The following SARNP variants were observed in gnomAD, a reference collection of about 807,000 sequenced individuals.
SARNP encodes SAP domain-containing ribonucleoprotein.
SARNP carries 5 observed loss-of-function variants against 38.1 expected under a neutral mutation model. That is an observed-to-expected ratio of 0.13 (90% CI 0.07 to 0.28). The LOEUF (loss-of-function observed/expected upper bound fraction) is 0.28. Among genes scored for constraint, SARNP ranks in the 10% least tolerant of loss-of-function variants. SARNP has a pLI of 1.00. For missense variants in SARNP, 180 were observed against 243.9 expected (o/e 0.74, Z 1.75); for synonymous variants, 84 against 80.6 (o/e 1.04, Z -0.23).
Position 55,796,033 on chromosome 12 carries a change from G to A in SARNP, c.295C>T (p.Gln99Ter). 6.2e-7 allele frequency: 1 copy of A among 1,608,000 alleles called. No individual in the cohort carries two copies. The highest frequency in any genetic ancestry group is 8.5e-7 in the Non-Finnish European group (1 of 1,174,630). The change falls in exon 5 of 11, where the codon CAG (glutamine) becomes TAG (stop). Residue 99 changes from glutamine to a stop codon, truncating the protein, a stop_gained. Coordinates refer to ENST00000336133, the MANE Select transcript of SARNP (RefSeq NM_033082.4). LOFTEE classifies it high-confidence loss of function. ...GGGAGCAGAATACCTACCTCAGTCT[G>A]TGGTATTTCAGATGTAATTTTCACC... Reference protein sequence around the residue: ...KVVKITSEIPQTERMQKRAER... With the variant: ...KVVKITSEIP
intron 7 of SARNP, among the ~76,000 whole-genome samples, chr12:55,791,437 G>A (rs1294053483): frequency 1.3e-5 from 2 of 152,162 alleles, no homozygotes; most frequent in Non-Finnish European, 2.9e-5. Context: ...GCTTACGCCT[G>A]TAATCCCAGC....
Position 55,817,680 on chromosome 12 carries a change from G to A in SARNP, c.22C>T (p.Leu8Phe). 1 of 1,612,996 alleles carries A rather than the reference G, an allele frequency of 6.2e-7. No homozygotes were observed. Among genetic ancestry groups the A allele is most frequent in the Non-Finnish European group, 8.5e-7 (1 of 1,179,552 alleles). Residue 8 changes from leucine (L) to phenylalanine (F), a missense_variant, in exon 1 of 11, where the codon CTC becomes TTC. Transcript: ENST00000336133. ...ATTCACGGTACCTTTAGCTTATGGAGCTCCACCGTCTCGGTCGCCATCTTG... is the reference window on the plus strand; with the variant it reads ...ATTCACGGTACCTTTAGCTTATGGAACTCCACCGTCTCGGTCGCCATCTTG... Reference protein sequence around the residue: MATETVELHKLKLAELKQ... With the variant: MATETVEFHKLKLAELKQ...
intron 7 of SARNP, chr12:55,793,906 A>C (rs904261811): frequency 6.0e-6 from 1 of 167,770 alleles, no homozygotes; most frequent in African/African-American, 2.4e-5. Context: ...ATCACTATAA[A>C]TAATGCTGTG....
At chr12:55,770,227 ATTT>A (rs758062236) in intron 9 of SARNP, among the ~76,000 whole-genome samples, 3 of 142,666 alleles carry the variant, frequency 2.1e-5, no homozygotes, top group East Asian at 2.0e-4. Context: ...TATAACTAGA[ATTT>A]TTTTTTTTTT....
At chr12:55,770,410 T>C (rs1223687025) in intron 9 of SARNP, among the ~76,000 whole-genome samples, 4 of 149,940 alleles carry the variant, frequency 2.7e-5, no homozygotes, top group East Asian at 2.0e-4. Flanking sequence ...TTTTTTTTTT[T>C]CCGTATTTTT....
intron 9 of SARNP, among the ~76,000 whole-genome samples, chr12:55,778,732 G>A (rs758335618): frequency 1.3e-5 from 2 of 152,174 alleles, no homozygotes; most frequent in Non-Finnish European, 2.9e-5. Context: ...AGCACTTTGG[G>A]AGGCTGAGGC....
At chr12:55,788,612 C>A (rs1879574676) in intron 9 of SARNP, among the ~76,000 whole-genome samples, 1 of 151,986 alleles carries the variant, frequency 6.6e-6, no homozygotes, top group African/African-American at 2.4e-5. Flanking sequence ...GCTTGGGTAA[C>A]ATAGCAAAAT....
chr12:55,755,871 G>A (rs1878491635), downstream of SARNP: 1 of 152,094 alleles, frequency 6.6e-6, no homozygotes, highest in Non-Finnish European at 1.5e-5. Context: ...AGAATAATTA[G>A]GCTTCAAGAA....
chr12:55,774,173 T>A (rs1042618172), intron 9 of SARNP, among the ~76,000 whole-genome samples: 2 of 151,952 alleles, frequency 1.3e-5, no homozygotes, highest in African/African-American at 4.8e-5. Flanking sequence ...CAGCTAATTG[T>A]TTATTTTCTT....
chr12:55,758,190 G>A lies in SARNP; in HGVS notation c.592-637C>T, dbSNP rs188483780. On this transcript the variant is annotated intron_variant, in intron 10 of 10. Transcript: ENST00000336133. ...AGGGAAGACTTCTGGTTCTGGAAGTGACTCACAGAACAGCACCAAGTCCTT... is the reference window on the plus strand; with the variant it reads ...AGGGAAGACTTCTGGTTCTGGAAGTAACTCACAGAACAGCACCAAGTCCTT... Among the ~76,000 whole-genome samples, 175 of 152,316 alleles carry A rather than the reference G, an allele frequency of 1.1e-3. 7 individuals are homozygous for A. Among genetic ancestry groups the A allele is most frequent in the Admixed American group, 7.5e-3 (114 of 15,302 alleles).
downstream of SARNP, chr12:55,753,290 GT>G (rs1315380324): frequency 3.3e-5 from 5 of 152,210 alleles, no homozygotes; most frequent in African/African-American, 1.2e-4. Context: ...CCTCAACGAA[GT>G]TTGACAAAAA....
At chr12:55,777,877 G>C (rs1010197607) in intron 9 of SARNP, among the ~76,000 whole-genome samples, 4 of 152,202 alleles carry the variant, frequency 2.6e-5, no homozygotes, top group Non-Finnish European at 4.4e-5. Context: ...AGTTAGGAGA[G>C]AGAAAAATTC....
At chr12:55,791,859 C>A (rs1309340424) in intron 7 of SARNP, among the ~76,000 whole-genome samples, 1 of 152,132 alleles carries the variant, frequency 6.6e-6, no homozygotes, top group Non-Finnish European at 1.5e-5. Context: ...TTCCCAAATT[C>A]CGTTATTTTT....
At chr12:55,768,121 CTCTCT>C (rs760354127) in intron 9 of SARNP, among the ~76,000 whole-genome samples, 5 of 152,030 alleles carry the variant, frequency 3.3e-5, no homozygotes, top group East Asian at 1.9e-4. Context: ...CCCTCTCTCT[CTCTCT>C]TATTTATTTA....
intron 1 of SARNP, among the ~76,000 whole-genome samples, chr12:55,808,566 G>C (rs1168891526): frequency 6.6e-6 from 1 of 152,014 alleles, no homozygotes; most frequent in Non-Finnish European, 1.5e-5. Flanking sequence ...CAAAGTGCTG[G>C]GATTACAGAC....
rs1879484687 is a variant in SARNP at position 55,786,097 on chromosome 12, C to T, written c.501+2978G>A. 2.0e-5 allele frequency among the ~76,000 whole-genome samples: 3 copies of T among 152,154 alleles called. 1 individual carries two copies. Among genetic ancestry groups the T allele is most frequent in the Admixed American group, 2.0e-4 (3 of 15,284 alleles). On this transcript the variant is annotated intron_variant, in intron 9 of 10. Transcript: ENST00000336133. Reference sequence around the variant, plus strand: ...CTGTGGACTAAAAATGAAAAAAGGTCAAACAAAGAGAAAAAGTCTAGGGAA... The same window carrying T: ...CTGTGGACTAAAAATGAAAAAAGGTTAAACAAAGAGAAAAAGTCTAGGGAA...
intron 1 of SARNP, among the ~76,000 whole-genome samples, chr12:55,812,203 T>A (rs1028326381): frequency 2.6e-5 from 4 of 152,194 alleles, no homozygotes; most frequent in Admixed American, 6.5e-5. Context: ...CATAGCTCAT[T>A]CCTTCACGTC....
intron 1 of SARNP, among the ~76,000 whole-genome samples, chr12:55,805,593 TCCCAGCACTTTGGGGGG>T (rs1880114288): frequency 6.6e-6 from 1 of 152,206 alleles, no homozygotes; most frequent in Non-Finnish European, 1.5e-5. Context: ...ACGCCTGTAA[TCCCAGCACTTTGGGGGG>T]CCTAGGCAGG....
intron 9 of SARNP, among the ~76,000 whole-genome samples, chr12:55,774,304 T>G (rs947545585): frequency 6.6e-6 from 1 of 151,982 alleles, no homozygotes; most frequent in East Asian, 1.9e-4. Flanking sequence ...ACCACATTTG[T>G]TCATTTCTAA....
Sources: gnomAD v4.1 joint callset for allele counts (sites outside exome capture counted in the v4.1 genomes callset) on GRCh38, gnomAD v4.1.1 for gene constraint, MANE v1.5 for transcripts, NCBI Gene and HGNC (gene_info 2026-07-23, HGNC 2026-07-21) for gene names.